The following DENND1B variants were observed in gnomAD, a reference collection of about 807,000 sequenced individuals.
The protein encoded by DENND1B is DENN domain-containing protein 1B.
In DENND1B, 59 loss-of-function variants were observed where a neutral mutation model predicts 90.1. The observed-to-expected ratio is 0.65, with a 90% confidence interval of 0.53 to 0.81. DENND1B has a LOEUF of 0.81. DENND1B is among the 40% of genes least tolerant of loss of function. The pLI is 0.00. For synonymous variants in DENND1B, 337 were observed against 324.6 expected (o/e 1.04, Z -0.41); for missense variants, 862 against 912.6 (o/e 0.94, Z 0.71).
At chr1:197,628,995 T>A (rs1310466784) in intron 10 of DENND1B, among the ~76,000 whole-genome samples, 1 of 152,032 alleles carries the variant, frequency 6.6e-6, no homozygotes, top group African/African-American at 2.4e-5. Flanking sequence ...TCACACCAGT[T>A]AGAATGAACA....
chr1:197,659,850 T>C (rs1654231647), intron 5 of DENND1B, among the ~76,000 whole-genome samples: 1 of 152,046 alleles, frequency 6.6e-6, no homozygotes, highest in African/African-American at 2.4e-5. Flanking sequence ...ATACATGCAA[T>C]GTTTCCAAAT....
intron 7 of DENND1B, among the ~76,000 whole-genome samples, chr1:197,651,440 T>G (rs1653157623): frequency 1.3e-5 from 2 of 151,956 alleles, no homozygotes; most frequent in African/African-American, 4.8e-5. Context: ...TCAATCATAT[T>G]TCCAGTATTT....
chr1:197,732,513 G>A (rs1457460315), intron 2 of DENND1B, among the ~76,000 whole-genome samples: 2 of 152,116 alleles, frequency 1.3e-5, no homozygotes. Flanking sequence ...AAAGGGAATC[G>A]GAATAATAGA....
chr1:197,583,302 G>C (rs1385418996), intron 14 of DENND1B, 49 bp from the exon 15 acceptor site: 1 of 1,557,754 alleles, frequency 6.4e-7, no homozygotes. Flanking sequence ...GTTAGTCAGA[G>C]AGAACTAGTC....
rs528259939 is a variant in DENND1B, at chr1:197,666,491, A to C, written c.296+5546T>G. ...ATCCTCCAAGTTTTCTATAGCAAAT[A>C]AATTATTTTTGTTATCAGAAATATG... On this transcript the variant is annotated intron_variant, in intron 5 of 22. Coordinates refer to ENST00000620048, the MANE Select transcript of DENND1B (RefSeq NM_001195215.2). 1.6e-4 allele frequency among the ~76,000 whole-genome samples: 25 copies of C among 152,344 alleles called. No homozygotes were observed. The South Asian group carries it at 5.2e-3, about 32-fold the overall frequency.
At chr1:197,646,314 T>C (rs571836316) in intron 8 of DENND1B, among the ~76,000 whole-genome samples, 77 of 152,078 alleles carry the variant, frequency 5.1e-4, no homozygotes, top group African/African-American at 1.6e-3. Flanking sequence ...TAAAATTTCT[T>C]AAACACGTAG....
chr1:197,586,251 A>G (rs927772748), intron 14 of DENND1B, among the ~76,000 whole-genome samples: 3 of 152,208 alleles, frequency 2.0e-5, no homozygotes, highest in Non-Finnish European at 4.4e-5. Context: ...ATTAAGCCAG[A>G]TATTAAAGAG....
At chr1:197,524,844 G>A (rs974014848) in intron 20 of DENND1B, among the ~76,000 whole-genome samples, 5 of 152,128 alleles carry the variant, frequency 3.3e-5, no homozygotes, top group Non-Finnish European at 5.9e-5. Context: ...GTCTGTTCTA[G>A]AATTTGACTA....
rs1335735795 is a variant in DENND1B, at chr1:197,772,942, A to G, written c.18-10T>C. On this transcript the variant is annotated splice_polypyrimidine_tract_variant and intron_variant, in intron 1 of 22. Coordinates refer to ENST00000620048, the MANE Select transcript of DENND1B (RefSeq NM_001195215.2). Reference sequence around the variant, plus strand: ...TCTGTCTGGATTTGCCCTAAAAGGAAAAAGTTTAAATTAATTTCCTATGAC... The same window carrying G: ...TCTGTCTGGATTTGCCCTAAAAGGAGAAAGTTTAAATTAATTTCCTATGAC... 6.5e-7 allele frequency: 1 copy of G among 1,549,428 alleles called. No homozygotes were observed. Among genetic ancestry groups the G allele is most frequent in the South Asian group, 1.2e-5 (1 of 83,782 alleles).
intron 7 of DENND1B, among the ~76,000 whole-genome samples, chr1:197,649,206 A>G (rs1452584269): frequency 2.0e-5 from 3 of 152,150 alleles, no homozygotes; most frequent in Non-Finnish European, 4.4e-5. Flanking sequence ...GGAAAATTAA[A>G]AGTTGGATTG....
Position 197,585,322 on chromosome 1 carries a change from T to C in DENND1B, c.1048-2069A>G, listed in dbSNP as rs529881122. Among the ~76,000 whole-genome samples, 183 of 152,364 alleles carry C rather than the reference T, an allele frequency of 1.2e-3. 4 individuals are homozygous for C. In the South Asian group the frequency reaches 0.022, roughly 18 times the overall value. On this transcript the variant is annotated intron_variant, in intron 14 of 22. Coordinates refer to ENST00000620048, the MANE Select transcript of DENND1B (RefSeq NM_001195215.2). ...AAAAATAAATATAAGTAATTGCCTC[T>C]AATGGCAGTTCTGGCATCACTGCTA...
chr1:197,658,303 T>C lies in DENND1B; in HGVS notation c.363A>G (p.Glu121=). The C allele has an allele frequency of 6.2e-7, 1 of 1,608,678 alleles. No homozygotes were observed. The highest frequency in any genetic ancestry group is 8.5e-7 in the Non-Finnish European group (1 of 1,176,332). The part of the protein sequence containing the change: ...LNTLADYLAK[E]LENDLNETLR... The stretch of plus-strand genomic sequence containing the variant: ...AAATGGGGAAAAAATAGCTTACCAG[T>C]TCCTTAGCCAAGTAATCTGCAAGAG... The change falls in exon 6 of 23, where the codon GAA becomes GAG. Residue 121 remains glutamate, a synonymous_variant. Transcript: ENST00000620048.
chr1:197,543,176 C>T (rs978988795), intron 18 of DENND1B, among the ~76,000 whole-genome samples: 12 of 152,150 alleles, frequency 7.9e-5, no homozygotes, highest in Non-Finnish European at 1.6e-4. Context: ...CTCAAGCGAT[C>T]CACCTGCCTT....
chr1:197,520,345 T>C (rs1220095113), intron 20 of DENND1B, among the ~76,000 whole-genome samples: 1 of 151,966 alleles, frequency 6.6e-6, no homozygotes, highest in Non-Finnish European at 1.5e-5. Context: ...AGTAGAGCAG[T>C]TATAAATAAA....
intron 2 of DENND1B, among the ~76,000 whole-genome samples, chr1:197,738,244 C>T (rs1662894693): frequency 6.6e-6 from 1 of 152,150 alleles, no homozygotes; most frequent in African/African-American, 2.4e-5. Context: ...TGAACCAATG[C>T]TGAATTTTGA....
At chr1:197,732,315 G>T (rs765038778) in intron 2 of DENND1B, among the ~76,000 whole-genome samples, 2 of 152,056 alleles carry the variant, frequency 1.3e-5, no homozygotes, top group Non-Finnish European at 2.9e-5. Context: ...TGTGTTTCAC[G>T]TGTTCTTCTT....
intron 3 of DENND1B, among the ~76,000 whole-genome samples, chr1:197,676,028 CTT>C (rs1656030450): frequency 7.7e-6 from 1 of 129,334 alleles, no homozygotes. Context: ...CCTCCGCACT[CTT>C]TAAAATTCAA....
At chr1:197,624,243 T>C (rs902287154) in intron 10 of DENND1B, among the ~76,000 whole-genome samples, 2 of 151,600 alleles carry the variant, frequency 1.3e-5, no homozygotes, top group African/African-American at 4.8e-5. Context: ...TGAAACAGAA[T>C]AGAGAGCCCA....
At chr1:197,737,663 T>G (rs1662827639) in intron 2 of DENND1B, among the ~76,000 whole-genome samples, 1 of 152,196 alleles carries the variant, frequency 6.6e-6, no homozygotes, top group Admixed American at 6.5e-5. Context: ...AGGCCTTTTC[T>G]TAGCTAGACA....
Sources: gnomAD v4.1 joint callset for allele counts (sites outside exome capture counted in the v4.1 genomes callset) on GRCh38, gnomAD v4.1.1 for gene constraint, MANE v1.5 for transcripts, NCBI Gene and HGNC (gene_info 2026-07-23, HGNC 2026-07-21) for gene names.